TOM1L2: variants seen among roughly 807,000 people sequenced by gnomAD.
TOM1L2 encodes the protein TOM1-like protein 2.
In TOM1L2, 31 loss-of-function variants were observed where a neutral mutation model predicts 67.9. The ratio of observed to expected loss-of-function variants is 0.46; its 90% CI spans 0.34 to 0.62. The LOEUF (loss-of-function observed/expected upper bound fraction) is 0.62, where lower values mean the gene tolerates loss of function less well. Among genes scored for constraint, TOM1L2 ranks in the 20% least tolerant of loss-of-function variants. The pLI, the probability that TOM1L2 is intolerant of heterozygous loss-of-function variation, is 0.01. For missense variants in TOM1L2, 606 were observed against 663.5 expected (o/e 0.91, Z 0.95); for synonymous variants, 256 against 254.0 (o/e 1.01, Z -0.07).
chr17:17,850,249 A>G (rs2035884419), intron 13 of TOM1L2, among the ~76,000 whole-genome samples: 1 of 152,162 alleles, frequency 6.6e-6, no homozygotes, highest in Non-Finnish European at 1.5e-5. Context: ...AGTGCTTTGT[A>G]AAGAACAGAG....
At chr17:17,956,804 G>A (rs894274681) in intron 1 of TOM1L2, among the ~76,000 whole-genome samples, 1 of 152,206 alleles carries the variant, frequency 6.6e-6, no homozygotes, top group African/African-American at 2.4e-5. Flanking sequence ...CAGAACTCGC[G>A]CTGGCCCGCA....
At chr17:17,912,326 G>A (rs1423081302) in intron 1 of TOM1L2, among the ~76,000 whole-genome samples, 13 of 142,968 alleles carry the variant, frequency 9.1e-5, no homozygotes, top group South Asian at 4.5e-4. Context: ...GCTGCCGGGC[G>A]GAGACGCTCC....
chr17:17,942,267 C>A (rs1377888808), intron 1 of TOM1L2, among the ~76,000 whole-genome samples: 1 of 152,120 alleles, frequency 6.6e-6, no homozygotes, highest in African/African-American at 2.4e-5. Flanking sequence ...TTTCACAAGG[C>A]CACATTGCAA....
chr17:17,905,394 C>T (rs1283538141), intron 2 of TOM1L2, among the ~76,000 whole-genome samples: 1 of 152,208 alleles, frequency 6.6e-6, no homozygotes, highest in Admixed American at 6.5e-5. Flanking sequence ...AGGCCCCAAA[C>T]CTTGCAATTT....
intron 10 of TOM1L2, 40 bp downstream of exon 10, chr17:17,866,252 TGGTA>T: frequency 6.4e-7 from 1 of 1,569,048 alleles, no homozygotes; most frequent in Non-Finnish European, 8.6e-7. Flanking sequence ...GGGAGGCCAG[TGGTA>T]GGAAGTAGGT....
At chr17:17,858,221 C>T in intron 12 of TOM1L2, 1 of 73,086 alleles carries the variant, frequency 1.4e-5, no homozygotes, top group South Asian at 4.5e-4. Context: ...TTTTCTTTTT[C>T]CTACATTTTT....
At chr17:17,968,778 A>G (rs961049976) in intron 1 of TOM1L2, among the ~76,000 whole-genome samples, 9 of 151,838 alleles carry the variant, frequency 5.9e-5, no homozygotes, top group Non-Finnish European at 8.8e-5. Context: ...TGCTCCATTC[A>G]GACTGGTACT....
chr17:17,866,018 G>A (rs768436115), intron 10 of TOM1L2, among the ~76,000 whole-genome samples: 2 of 151,956 alleles, frequency 1.3e-5, no homozygotes, highest in African/African-American at 2.4e-5. Context: ...CTGGGATTAC[G>A]GGCGTGAGCC....
chr17:17,869,621 A>T, intron 7 of TOM1L2, 148 bp from the exon 8 acceptor site: 2 of 1,406,778 alleles, frequency 1.4e-6, no homozygotes, highest in Non-Finnish European at 1.8e-6. Flanking sequence ...AATTCAAAGT[A>T]GAAGTTCCCT....
At chr17:17,905,286 T>A (rs890692599) in intron 2 of TOM1L2, among the ~76,000 whole-genome samples, 1 of 152,160 alleles carries the variant, frequency 6.6e-6, no homozygotes, top group African/African-American at 2.4e-5. Context: ...CCCTGTCACA[T>A]CTTCCAGGAG....
chr17:17,943,936 C>G (rs752549363), intron 1 of TOM1L2, among the ~76,000 whole-genome samples: 1 of 152,250 alleles, frequency 6.6e-6, no homozygotes, highest in Non-Finnish European at 1.5e-5. Context: ...ATCCCTCCCC[C>G]TCCAGGTAAA....
chr17:17,856,831 G>C (rs757570556), intron 12 of TOM1L2, among the ~76,000 whole-genome samples: 1 of 152,222 alleles, frequency 6.6e-6, no homozygotes, highest in Non-Finnish European at 1.5e-5. Flanking sequence ...CACCTGAACA[G>C]ACAAGGCAGG....
chr17:17,893,084 T>C (rs1349947115), intron 4 of TOM1L2, among the ~76,000 whole-genome samples: 1 of 152,238 alleles, frequency 6.6e-6, no homozygotes, highest in Non-Finnish European at 1.5e-5. Flanking sequence ...TTGAGGTAAT[T>C]TGTAACACAG....
intron 4 of TOM1L2, among the ~76,000 whole-genome samples, chr17:17,892,974 C>T (rs1335052290): frequency 2.0e-5 from 3 of 152,152 alleles, no homozygotes; most frequent in Admixed American, 2.0e-4. Context: ...AATGCAACCT[C>T]AAGAGAGACT....
intron 1 of TOM1L2, among the ~76,000 whole-genome samples, chr17:17,911,633 T>TCATCA (rs1334819729): frequency 1.3e-5 from 2 of 152,158 alleles, no homozygotes; most frequent in Admixed American, 6.5e-5. Flanking sequence ...TGCTCTTGAT[T>TCATCA]AGCTGGAAAT....
chr17:17,873,019 T>A (rs2037233445), intron 7 of TOM1L2, among the ~76,000 whole-genome samples: 1 of 152,240 alleles, frequency 6.6e-6, no homozygotes, highest in African/African-American at 2.4e-5. Context: ...CCACAGGCCA[T>A]CTTCAAATAC....
chr17:17,971,653 T>TG (rs2042092319), intron 1 of TOM1L2, among the ~76,000 whole-genome samples: 3 of 151,464 alleles, frequency 2.0e-5, no homozygotes. Context: ...ACTGGGTCCT[T>TG]GGGGCAGTGG....
At chr17:17,861,605 A>G in intron 11 of TOM1L2, 54 bp from the exon 12 acceptor site, 2 of 1,522,154 alleles carry the variant, frequency 1.3e-6, no homozygotes, top group Non-Finnish European at 1.8e-6. Context: ...GTGGTCATGG[A>G]GGGATGGGGT....
chr17:17,893,642 G>C lies in TOM1L2; in HGVS notation c.366+19C>G, dbSNP rs372136305. On this transcript the variant is annotated intron_variant, in intron 4 of 14. Coordinates refer to ENST00000379504, the MANE Select transcript of TOM1L2 (RefSeq NM_001082968.2). ...CATCTTACTCTGTTCCAACAAATTG[G>C]GCAAGGGGTCCAACCTACCTGGATC... 1.9e-6 allele frequency: 3 copies of C among 1,610,044 alleles called. No homozygotes were observed. Among genetic ancestry groups the C allele is most frequent in the Non-Finnish European group, 2.5e-6 (3 of 1,177,790 alleles).
Sources: gnomAD v4.1 joint callset for allele counts (sites outside exome capture counted in the v4.1 genomes callset) on GRCh38, gnomAD v4.1.1 for gene constraint, MANE v1.5 for transcripts, NCBI Gene and HGNC (gene_info 2026-07-23, HGNC 2026-07-21) for gene names.